The following ZNF536 variants were observed in gnomAD, a reference collection of about 807,000 sequenced individuals.
ZNF536 encodes the protein zinc finger protein 536.
A neutral mutation model predicts 84.5 loss-of-function variants in ZNF536; 13 were observed. The observed-to-expected ratio is 0.15, with a 90% CI of 0.10 to 0.24. The LOEUF (loss-of-function observed/expected upper bound fraction) is 0.24. Among genes scored for constraint, ZNF536 ranks in the 10% least tolerant of loss-of-function variants. ZNF536 has a pLI of 1.00. For synonymous variants in ZNF536, 811 were observed against 742.5 expected, an observed-to-expected ratio of 1.09 and a Z score of -1.50; for missense variants, 1,536 against 1,747.5, an observed-to-expected ratio of 0.88 and a Z score of 2.16.
chr19:30,322,032 C>T (rs1228475348), intron 2 of ZNF536, among the ~76,000 whole-genome samples: 6 of 152,146 alleles, frequency 3.9e-5, no homozygotes, highest in Admixed American at 3.9e-4. Flanking sequence ...CCTTGGCCTC[C>T]CAAAGTGCTG....
At chr19:30,428,202 A>G (rs1000586754) in intron 1 of ZNF536, among the ~76,000 whole-genome samples, 3 of 152,198 alleles carry the variant, frequency 2.0e-5, no homozygotes, top group African/African-American at 7.2e-5. Flanking sequence ...ACTGAGGGTG[A>G]TTGCAGGCCT....
chr19:30,648,992 A>T (rs1396198408), intron 1 of ZNF536, among the ~76,000 whole-genome samples: 2 of 152,154 alleles, frequency 1.3e-5, no homozygotes, highest in African/African-American at 4.8e-5. Context: ...CTTCACTGAA[A>T]GAGTCTATAG....
chr19:30,377,540 G>A (rs575951828), intron 1 of ZNF536, among the ~76,000 whole-genome samples: 3 of 152,222 alleles, frequency 2.0e-5, no homozygotes, highest in East Asian at 3.9e-4. Flanking sequence ...AGAGTAGGGC[G>A]TTCAGGAAAG....
At chr19:30,699,718 T>C (rs1320336325) in intron 1 of ZNF536, among the ~76,000 whole-genome samples, 1 of 152,232 alleles carries the variant, frequency 6.6e-6, no homozygotes, top group Non-Finnish European at 1.5e-5. Context: ...CTGAGCCTCT[T>C]GAAGCTGAAG....
intron 1 of ZNF536, among the ~76,000 whole-genome samples, chr19:30,609,360 A>G (rs2048009344): frequency 6.6e-6 from 1 of 152,172 alleles, no homozygotes; most frequent in South Asian, 2.1e-4. Flanking sequence ...TACAATTTCT[A>G]ATTACTTTTT....
intron 2 of ZNF536, among the ~76,000 whole-genome samples, chr19:30,289,632 A>G (rs1422468159): frequency 6.6e-6 from 1 of 152,190 alleles, no homozygotes; most frequent in Admixed American, 6.5e-5. Context: ...CTGGATGATT[A>G]TTGGCTCCAG....
At chr19:30,377,240 C>T (rs1223542397) in intron 1 of ZNF536, among the ~76,000 whole-genome samples, 1 of 152,112 alleles carries the variant, frequency 6.6e-6, no homozygotes, top group Non-Finnish European at 1.5e-5. Flanking sequence ...CTCAGAGCCT[C>T]GGGATGTGGT....
In ZNF536 at chr19:30,557,175, C is replaced by A; in HGVS notation, c.*11C>A. The A allele has an allele frequency of 1.2e-6, 2 of 1,613,722 alleles. No homozygotes were observed. Among genetic ancestry groups the A allele is most frequent in the Non-Finnish European group, 1.7e-6 (2 of 1,179,844 alleles). On this transcript the variant is annotated 3_prime_UTR_variant, in exon 5 of 5. Coordinates refer to ENST00000355537, the MANE Select transcript of ZNF536 (RefSeq NM_014717.3). ...CTTGCAGGTAAGTGACACTCCCTGT[C>A]CTAGTCGGTCTATCTGGACTTGCCC...
intron 2 of ZNF536, among the ~76,000 whole-genome samples, chr19:30,319,744 T>C (rs2046794916): frequency 6.6e-6 from 1 of 152,250 alleles, no homozygotes; most frequent in Non-Finnish European, 1.5e-5. Flanking sequence ...TTTAGCAAAA[T>C]TATTAAATGG....
At chr19:30,522,119 G>A (rs1429377658) in intron 2 of ZNF536, among the ~76,000 whole-genome samples, 2 of 151,312 alleles carry the variant, frequency 1.3e-5, no homozygotes, top group Non-Finnish European at 2.9e-5. Flanking sequence ...ACAGTGGAGT[G>A]GCCTCAGCTG....
At chr19:30,367,357 A>G (rs1214191264) in intron 3 of ZNF536, among the ~76,000 whole-genome samples, 1 of 152,196 alleles carries the variant, frequency 6.6e-6, no homozygotes, top group Non-Finnish European at 1.5e-5. Context: ...AACTTACATG[A>G]AATAAAAGAG....
At chr19:30,467,265 A>G (rs1022458284) in intron 2 of ZNF536, among the ~76,000 whole-genome samples, 3 of 151,394 alleles carry the variant, frequency 2.0e-5, no homozygotes, top group Non-Finnish European at 4.4e-5. Context: ...ATTCACCACA[A>G]CTCCCCATTT....
intron 2 of ZNF536, among the ~76,000 whole-genome samples, chr19:30,288,236 C>T (rs768088499): frequency 2.4e-4 from 37 of 152,166 alleles, no homozygotes; most frequent in Non-Finnish European, 3.1e-4. Flanking sequence ...TTCCTGCCCA[C>T]GTGACTGGAT....
intron 1 of ZNF536, among the ~76,000 whole-genome samples, chr19:30,681,548 G>A (rs1187150475): frequency 1.3e-5 from 2 of 152,198 alleles, no homozygotes; most frequent in Non-Finnish European, 2.9e-5. Flanking sequence ...TGCTTTAGCT[G>A]GGGCACCAGC....
chr19:30,495,636 G>T (rs866012237), intron 2 of ZNF536, among the ~76,000 whole-genome samples: 3 of 152,318 alleles, frequency 2.0e-5, no homozygotes, highest in Non-Finnish European at 2.9e-5. Flanking sequence ...TTTGTCCAAG[G>T]TTGCACATCC....
chr19:30,618,326 T>C (rs2048372255), intron 1 of ZNF536, among the ~76,000 whole-genome samples: 1 of 152,146 alleles, frequency 6.6e-6, no homozygotes, highest in Non-Finnish European at 1.5e-5. Flanking sequence ...TTAGTATGTG[T>C]TTGTGTTCTG....
chr19:30,545,385 CTT>C (rs772761287), intron 3 of ZNF536, among the ~76,000 whole-genome samples: 111 of 67,636 alleles, frequency 1.6e-3, no homozygotes, highest in Non-Finnish European at 2.8e-3. Flanking sequence ...TCCCATATGT[CTT>C]TTTTTTTTTT....
downstream of ZNF536, among the ~76,000 whole-genome samples, chr19:30,561,656 T>C (rs145432208): frequency 2.9e-3 from 448 of 152,296 alleles, 1 homozygote; most frequent in African/African-American, 0.01. Context: ...TTGGGGGTCC[T>C]CTAAGGTACT....
chr19:30,312,022 C>T (rs549431852), intron 2 of ZNF536, among the ~76,000 whole-genome samples: 2 of 152,246 alleles, frequency 1.3e-5, no homozygotes, highest in South Asian at 2.1e-4. Context: ...GAGCTCTGAT[C>T]GCACCACTGC....
Sources: allele counts gnomAD v4.1 joint callset (sites outside exome capture counted in the v4.1 genomes callset), GRCh38; gene constraint gnomAD v4.1.1; transcripts MANE v1.5; gene names NCBI Gene and HGNC (gene_info 2026-07-23, HGNC 2026-07-21).